The following NOL4L variants were observed in gnomAD, a reference collection of about 807,000 sequenced individuals.
The protein encoded by NOL4L is nucleolar protein 4 like, also known as nucleolar protein 4-like.
NOL4L carries 7 observed loss-of-function variants against 64.5 expected under a neutral mutation model. The observed-to-expected ratio is 0.11, with a 90% CI of 0.06 to 0.20. NOL4L has a LOEUF of 0.20. NOL4L is among the 10% of genes least tolerant of loss of function. NOL4L has a pLI of 1.00. For synonymous variants in NOL4L, 413 were observed against 401.0 expected, an observed-to-expected ratio of 1.03 and a Z score of -0.36; for missense variants, 680 against 967.1, an observed-to-expected ratio of 0.70 and a Z score of 3.94.
chr20:32,477,896 G>A (rs1020390252), intron 4 of NOL4L, among the ~76,000 whole-genome samples: 1 of 152,252 alleles, frequency 6.6e-6, no homozygotes, highest in African/African-American at 2.4e-5. Flanking sequence ...ACCTGATTAG[G>A]AGGAGCACCC....
At chr20:32,521,112 C>G (rs2017917636) in intron 2 of NOL4L, among the ~76,000 whole-genome samples, 190 bp from the exon 3 acceptor site, 1 of 152,188 alleles carries the variant, frequency 6.6e-6, no homozygotes, top group African/African-American at 2.4e-5. Flanking sequence ...TGTGGAAAAC[C>G]ATTTGTTTTA....
intron 1 of NOL4L, among the ~76,000 whole-genome samples, chr20:32,547,446 T>G (rs1337895063): frequency 1.3e-5 from 2 of 152,068 alleles, no homozygotes; most frequent in Non-Finnish European, 2.9e-5. Flanking sequence ...CAAGCCACCA[T>G]GCCCAGCTAA....
In NOL4L at chr20:32,482,493, C is replaced by A. The variant is rs952487324; in HGVS notation, c.700-7751G>T. ...AATAAAAATGCGGATTGCACTCCCC[C>A]CTCCTCCCTATCCAAAGTGTCCAGC... On this transcript the variant is annotated intron_variant, in intron 4 of 10. Transcript: ENST00000621426. 3.3e-5 allele frequency among the ~76,000 whole-genome samples: 5 copies of A among 152,286 alleles called. No homozygotes were observed. The East Asian group carries it at 9.7e-4, about 30-fold the overall frequency.
At chr20:32,514,275 C>T (rs552914459) in intron 3 of NOL4L, among the ~76,000 whole-genome samples, 43 of 152,094 alleles carry the variant, frequency 2.8e-4, no homozygotes, top group African/African-American at 8.4e-4. Context: ...GCGGATCACC[C>T]GAGGTCAGGA....
In NOL4L at chr20:32,452,985, G is replaced by T. The variant is rs369056301; in HGVS notation, c.1519C>A (p.Leu507Met). The T allele has an allele frequency of 2.5e-6, 4 of 1,613,654 alleles. No homozygotes were observed. The African/African-American group carries it at 5.3e-5, about 22-fold the overall frequency. The stretch of plus-strand genomic sequence containing the variant: ...ATGTTTTCTGCCATGGCCGAGGTCA[G>T]ATGGGGTGGCGTGGGTCTGGTCTGC... ...MEMTRPTPPH[L>M]TSAMAENILA... is the part of the protein sequence containing the mutation. Residue 507 changes from leucine (L) to methionine (M), a missense_variant, in exon 9 of 11, where the codon CTG becomes ATG. Around this residue, in one of 4 missense-constraint regions of NOL4L, gnomAD observed 70 missense variants for 166.1 expected, o/e 0.42. Transcript: ENST00000621426.
At chr20:32,450,413 A>T (rs1177245394) in intron 10 of NOL4L, 1 of 152,310 alleles carries the variant, frequency 6.6e-6, no homozygotes, top group African/African-American at 2.4e-5. Flanking sequence ...GCCCCAGGCA[A>T]GGAGGTAAAT....
intron 4 of NOL4L, among the ~76,000 whole-genome samples, chr20:32,503,582 C>T (rs139194618): frequency 3.8e-4 from 58 of 152,318 alleles, no homozygotes; most frequent in African/African-American, 1.3e-3. Flanking sequence ...TTGGTCCATG[C>T]ACATTTTCAG....
At chr20:32,483,574 G>A (rs1240098083) in intron 4 of NOL4L, 4 of 969,556 alleles carry the variant, frequency 4.1e-6, no homozygotes, top group Non-Finnish European at 3.6e-6. Context: ...CGGCAGCGGC[G>A]GCGGCGCCGC....
At position 32,447,505 on chromosome 20, in the gene NOL4L, A is replaced by G; in HGVS notation, c.*91T>C. Reference sequence around the variant, plus strand: ...TCTTTTGGATCCCACCTCTTTCAAAAACAAAATGTACCAACTGGTGAGGCA... The same window carrying G: ...TCTTTTGGATCCCACCTCTTTCAAAGACAAAATGTACCAACTGGTGAGGCA... On this transcript the variant is annotated 3_prime_UTR_variant, in exon 11 of 11. Transcript: ENST00000621426. The G allele has an allele frequency of 6.7e-7, 1 of 1,498,468 alleles. No homozygotes were observed. The highest frequency in any genetic ancestry group is 1.3e-5 in the South Asian group (1 of 74,190). The allele number at this position is 1,498,468 out of a possible 1,614,324, so 92.8% of individuals were successfully genotyped here.
At chr20:32,474,563 G>A (rs1304914500) in intron 5 of NOL4L, 38 bp downstream of exon 5, 2 of 1,588,254 alleles carry the variant, frequency 1.3e-6, no homozygotes, top group South Asian at 1.1e-5. Flanking sequence ...AGGGGGCCGG[G>A]CACAGCCCCT....
chr20:32,547,186 T>C (rs2018744307), intron 1 of NOL4L, among the ~76,000 whole-genome samples: 1 of 152,176 alleles, frequency 6.6e-6, no homozygotes, highest in African/African-American at 2.4e-5. Flanking sequence ...AACTCTCTTT[T>C]ATGGGGGAGA....
intron 1 of NOL4L, among the ~76,000 whole-genome samples, chr20:32,549,783 T>C (rs1417897186): frequency 6.6e-6 from 1 of 152,112 alleles, no homozygotes; most frequent in East Asian, 1.9e-4. Flanking sequence ...TAACAAGTTT[T>C]GGCAAAAATG....
intron 5 of NOL4L, among the ~76,000 whole-genome samples, chr20:32,457,274 G>T (rs1422696992): frequency 6.6e-6 from 1 of 152,208 alleles, no homozygotes; most frequent in African/African-American, 2.4e-5. Flanking sequence ...TGCTTGCTCA[G>T]CTGAGACGGC....
chr20:32,485,676 A>G lies in NOL4L; in HGVS notation c.700-10934T>C, dbSNP rs115998086. On this transcript the variant is annotated intron_variant, in intron 4 of 10. Coordinates refer to ENST00000621426, the MANE Select transcript of NOL4L (RefSeq NM_001256798.2). ...ATTTATCCACACATGCTGGTGCCCA[A>G]TAATGATTTTTAGAACGAACTAGTG... The G allele has an allele frequency of 5.4e-3, 2,475 of 460,272 alleles. 57 individuals are homozygous for G. The highest frequency in any genetic ancestry group is 0.045 in the African/African-American group (2,264 of 49,782). 28.5% of individuals were successfully genotyped at this position (460,272 alleles called of 1,614,324 possible).
intron 1 of NOL4L, chr20:32,535,735 T>A: frequency 6.1e-6 from 6 of 985,454 alleles, no homozygotes; most frequent in Non-Finnish European, 7.2e-6. Context: ...TTTTGTTAAC[T>A]CTGGGATGTC....
intron 3 of NOL4L, chr20:32,519,857 G>A (rs293571): frequency 0.14 from 20,636 of 152,124 alleles, 2,017 homozygotes; most frequent in African/African-American, 0.28. Context: ...CACCCAGGCT[G>A]GAGTGCAGTG....
chr20:32,479,177 A>C (rs2015578539), intron 4 of NOL4L, among the ~76,000 whole-genome samples: 1 of 152,218 alleles, frequency 6.6e-6, no homozygotes, highest in Non-Finnish European at 1.5e-5. Flanking sequence ...ACAGGCAGTT[A>C]CAAGTACACA....
intron 1 of NOL4L, among the ~76,000 whole-genome samples, chr20:32,539,558 C>T (rs990058223): frequency 2.6e-5 from 4 of 152,232 alleles, no homozygotes; most frequent in African/African-American, 9.6e-5. Context: ...AGCCTCACTG[C>T]TGTCTGCATT....
chr20:32,492,289 T>C (rs6058720), intron 4 of NOL4L, among the ~76,000 whole-genome samples: 6,242 of 152,268 alleles, frequency 0.041, 333 homozygotes, highest in African/African-American at 0.13. Flanking sequence ...ATAACACAGA[T>C]GATGCTCACA....
Sources: allele counts gnomAD v4.1 joint callset (sites outside exome capture counted in the v4.1 genomes callset), GRCh38; gene constraint gnomAD v4.1.1; regional missense constraint gnomAD v4.1.1; transcripts MANE v1.5; gene names NCBI Gene and HGNC (gene_info 2026-07-23, HGNC 2026-07-21).